Variants in CYTH1 observed in about 807,000 individuals in gnomAD.
The protein encoded by CYTH1 is cytohesin 1.
CYTH1 carries 18 observed loss-of-function variants against 61.8 expected under a neutral mutation model. That is an observed-to-expected ratio of 0.29 (90% confidence interval 0.20 to 0.43). CYTH1 has a LOEUF of 0.43. Ranked by LOEUF, CYTH1 falls within the 20% of genes least tolerant of loss-of-function variation. The probability of loss-of-function intolerance (pLI) is 1.00; values close to 1 mark genes in which losing one functional copy is unlikely to be tolerated. For missense variants in CYTH1, 336 were observed against 510.5 expected (o/e 0.66, Z 3.29); for synonymous variants, 174 against 184.3 (o/e 0.94, Z 0.45).
Position 78,736,678 on chromosome 17 carries a change from C to T in CYTH1, c.23-26946G>A, listed in dbSNP as rs9898827. The T allele has an allele frequency of 1.7e-3, 691 of 395,386 alleles. 3 individuals are homozygous for T. The highest frequency in any genetic ancestry group is 0.013 in the African/African-American group (620 of 47,438). 24.5% of individuals were successfully genotyped at this position (395,386 alleles called of 1,614,324 possible). A position where few individuals can be genotyped will look rare whatever the true frequency, so the allele number is the denominator to read the frequency against. On this transcript the variant is annotated intron_variant, in intron 1 of 13. Coordinates refer to ENST00000446868, the MANE Select transcript of CYTH1 (RefSeq NM_004762.6). ...CCGCATCAGTCCCGGCCGGGGGCTGCGGCTTTGACTCACCGTCCTCCTCTT... is the reference window on the plus strand; with the variant it reads ...CCGCATCAGTCCCGGCCGGGGGCTGTGGCTTTGACTCACCGTCCTCCTCTT...
intron 1 of CYTH1, among the ~76,000 whole-genome samples, chr17:78,747,145 C>CAAAAAAAAAAAAAAAAAAA (rs56201341): frequency 6.9e-5 from 4 of 57,832 alleles, no homozygotes; most frequent in Non-Finnish European, 1.2e-4. Context: ...ATGGCAGCGC[C>CAAAAAAAAAAAAAAAAAAA]AAAAAAAAAA....
chr17:78,682,653 C>T (rs571338204), intron 11 of CYTH1, among the ~76,000 whole-genome samples: 1 of 152,374 alleles, frequency 6.6e-6, no homozygotes, highest in Admixed American at 6.5e-5. Context: ...TGGCTGCTAT[C>T]TGGCTGTGCC....
At position 78,686,081 on chromosome 17, in the gene CYTH1, T is replaced by A. The variant is rs143163566; in HGVS notation, c.892-5039A>T. On this transcript the variant is annotated intron_variant, in intron 11 of 13. Coordinates refer to ENST00000446868, the MANE Select transcript of CYTH1 (RefSeq NM_004762.6). ...AAATCACCTCATGCCACACTGTATC[T>A]TTGATTCTGCAGACACCAATTACTC... 7.9e-5 allele frequency among the ~76,000 whole-genome samples: 12 copies of A among 152,340 alleles called. No homozygotes were observed. The East Asian group carries it at 2.3e-3, about 29-fold the overall frequency.
intron 1 of CYTH1, among the ~76,000 whole-genome samples, chr17:78,772,937 C>T (rs1216116040): frequency 6.6e-6 from 1 of 152,196 alleles, no homozygotes; most frequent in Non-Finnish European, 1.5e-5. Flanking sequence ...TCAAGCGATT[C>T]TAGTGACTCA....
intron 9 of CYTH1, 101 bp downstream of exon 9, chr17:78,698,168 A>C (rs566100874): frequency 2.2e-4 from 221 of 983,542 alleles, no homozygotes; most frequent in Non-Finnish European, 3.1e-4. Flanking sequence ...CACACGCACA[A>C]ACACGCACAC....
Position 78,694,354 on chromosome 17 carries a change from C to T in CYTH1, c.814+1653G>A, listed in dbSNP as rs557311927. Among the ~76,000 whole-genome samples the T allele has an allele frequency of 7.2e-5, 11 of 152,346 alleles. No homozygotes were observed. In the East Asian group the frequency reaches 2.1e-3, roughly 29 times the overall value. ...TATCAAGCAAATTGAGACTCTCCCT[C>T]CAGTAACTTCTAAGTTTCATGTGAG... On this transcript the variant is annotated intron_variant, in intron 10 of 13. Coordinates refer to ENST00000446868, the MANE Select transcript of CYTH1 (RefSeq NM_004762.6).
chr17:78,751,746 G>A (rs1451299871), intron 1 of CYTH1, among the ~76,000 whole-genome samples: 1 of 152,202 alleles, frequency 6.6e-6, no homozygotes, highest in African/African-American at 2.4e-5. Context: ...CATAAACGAA[G>A]AAGGAATCAG....
intron 11 of CYTH1, among the ~76,000 whole-genome samples, chr17:78,688,557 C>G (rs2144122604): frequency 6.6e-6 from 1 of 152,350 alleles, no homozygotes. Context: ...GACAAATGTC[C>G]TTAGCAGCAG....
intron 2 of CYTH1, chr17:78,709,115 C>T (rs1598862114): frequency 1.3e-5 from 2 of 152,724 alleles, no homozygotes; most frequent in African/African-American, 2.4e-5. Context: ...TGTAAAATTG[C>T]TATCACTAAG....
At chr17:78,679,356 G>C (rs777197392) in intron 13 of CYTH1, among the ~76,000 whole-genome samples, 4 of 151,180 alleles carry the variant, frequency 2.6e-5, no homozygotes, top group Admixed American at 6.6e-5. Flanking sequence ...TAGGAGAAAG[G>C]ATCACTGAGA....
At chr17:78,697,340 A>C (rs2092950293) in intron 9 of CYTH1, among the ~76,000 whole-genome samples, 1 of 151,736 alleles carries the variant, frequency 6.6e-6, no homozygotes, top group South Asian at 2.1e-4. Context: ...AAAAAAAAAA[A>C]AAAAGGACAT....
intron 1 of CYTH1, among the ~76,000 whole-genome samples, chr17:78,781,726 C>A (rs2093518854): frequency 6.6e-6 from 1 of 152,026 alleles, no homozygotes; most frequent in African/African-American, 2.4e-5. Context: ...CGGCCATCCG[C>A]GCGTCCGCCC....
intron 1 of CYTH1, among the ~76,000 whole-genome samples, chr17:78,760,439 ATATG>A (rs1192222973): frequency 1.7e-5 from 1 of 58,550 alleles, no homozygotes; most frequent in Non-Finnish European, 3.3e-5. Flanking sequence ...ATACATATAT[ATATG>A]TATATATATA....
intron 1 of CYTH1, among the ~76,000 whole-genome samples, chr17:78,710,594 A>T (rs1196143525): frequency 2.0e-5 from 3 of 152,236 alleles, no homozygotes; most frequent in Non-Finnish European, 4.4e-5. Context: ...TCCTAGCTCC[A>T]ATCTACCAAA....
At position 78,678,480 on chromosome 17, in the gene CYTH1, C is replaced by T. The variant is rs777269916; in HGVS notation, c.1118+1710G>A. The T allele has an allele frequency of 5.9e-5, 9 of 152,238 alleles. No homozygotes were observed. The South Asian group carries it at 8.3e-4, about 14-fold the overall frequency. 9.4% of individuals were successfully genotyped at this position (152,238 alleles called of 1,614,324 possible). A position where few individuals can be genotyped will look rare whatever the true frequency, so the allele number is the denominator to read the frequency against. On this transcript the variant is annotated intron_variant, in intron 13 of 13. Transcript: ENST00000446868. ...TGCCAATGAATCCATAAATGGTGTC[C>T]GGACCATCAGCTATTCATTCATGAG... is the stretch of plus-strand genomic sequence containing the variant.
chr17:78,680,971 T>C lies in CYTH1; in HGVS notation c.963A>G (p.Pro321=). 4 of 1,614,034 alleles carry C rather than the reference T, an allele frequency of 2.5e-6. No homozygotes were observed. The highest frequency in any genetic ancestry group is 3.4e-6 in the Non-Finnish European group (4 of 1,179,932). ...SIREVEDSKK[P]NCFELYIPDN... is the part of the protein sequence containing the mutation. Reference sequence around the variant, plus strand: ...AAAATATCTCAGCAAAAATACTCACTGGTTTTTTGGAGTCCTCCACTTCCC... The same window carrying C: ...AAAATATCTCAGCAAAAATACTCACCGGTTTTTTGGAGTCCTCCACTTCCC... Residue 321 remains proline, a splice_region_variant and synonymous_variant, in exon 12 of 14, where the codon CCA becomes CCG. Transcript: ENST00000446868.
At chr17:78,699,570 A>G (rs2092986842) in intron 7 of CYTH1, among the ~76,000 whole-genome samples, 1 of 152,164 alleles carries the variant, frequency 6.6e-6, no homozygotes, top group African/African-American at 2.4e-5. Flanking sequence ...TTAAAACAAA[A>G]TGACCTGTAA....
At chr17:78,754,135 T>C (rs1443845345) in intron 1 of CYTH1, among the ~76,000 whole-genome samples, 2 of 152,120 alleles carry the variant, frequency 1.3e-5, no homozygotes, top group Non-Finnish European at 2.9e-5. Flanking sequence ...GACCGGCTAC[T>C]GAGAAGCAGC....
chr17:78,711,304 T>TA (rs1567852045), intron 1 of CYTH1, among the ~76,000 whole-genome samples: 6,670 of 54,262 alleles, frequency 0.12, 171 homozygotes, highest in Non-Finnish European at 0.14. Flanking sequence ...AAATAAATAA[T>TA]ATATATATAT....
Sources: allele counts gnomAD v4.1 joint callset (sites outside exome capture counted in the v4.1 genomes callset), GRCh38; gene constraint gnomAD v4.1.1; transcripts MANE v1.5; gene names NCBI Gene and HGNC (gene_info 2026-07-23, HGNC 2026-07-21).